The following LIN54 variants were observed in gnomAD, a reference collection of about 807,000 sequenced individuals.
LIN54 encodes protein lin-54 homolog.
In LIN54, 9 loss-of-function variants were observed where a neutral mutation model predicts 78.7. The observed-to-expected ratio is 0.11, with a 90% CI of 0.07 to 0.20. The LOEUF (loss-of-function observed/expected upper bound fraction) is 0.20. Ranked by LOEUF, LIN54 falls within the 10% of genes least tolerant of loss-of-function variation. The pLI, the probability that LIN54 is intolerant of heterozygous loss-of-function variation, is 1.00. For missense variants in LIN54, 573 were observed against 889.9 expected, an observed-to-expected ratio of 0.64 and a Z score of 4.53; for synonymous variants, 269 against 318.4, an observed-to-expected ratio of 0.84 and a Z score of 1.65.
rs752788496 is a variant in LIN54, at chr4:82,936,261, G to A, written c.1707+18C>T. On this transcript the variant is annotated intron_variant, in intron 10 of 12. Transcript: ENST00000340417. ...AACTGGATATTTCTGTCAGTTAAAT[G>A]AAATAAAAAATAATCACCTTTATTG... 3.3e-6 allele frequency: 5 copies of A among 1,523,784 alleles called. No homozygotes were observed. The highest frequency in any genetic ancestry group is 4.5e-6 in the Non-Finnish European group (5 of 1,114,712). 94.4% of individuals were successfully genotyped at this position (1,523,784 alleles called of 1,614,324 possible).
rs1721488283 is a variant in LIN54 at position 82,926,622 on chromosome 4, C to CCTGT, written c.*1476_*1479dup. ...TTTTTCTTGTCATAAAATCAAGAGT[C>CCTGT]CTGTCACAACAGGCTCTTAAATTCA... On this transcript the variant is annotated 3_prime_UTR_variant, in exon 13 of 13. Transcript: ENST00000340417. The CCTGT allele has an allele frequency of 6.6e-6, 1 of 152,090 alleles. No homozygotes were observed. The highest frequency in any genetic ancestry group is 6.6e-5 in the Admixed American group (1 of 15,258). The allele number at this position is 152,090 out of a possible 1,614,324, so 9.4% of individuals were successfully genotyped here. A position where few individuals can be genotyped will look rare whatever the true frequency, so the allele number is the denominator to read the frequency against.
intron 5 of LIN54, among the ~76,000 whole-genome samples, chr4:82,941,148 G>GGATATATATATA (rs1722828947): frequency 1.7e-4 from 5 of 30,214 alleles, no homozygotes; most frequent in African/African-American, 4.7e-4. Context: ...GGAGTTAAGA[G>GGATATATATATA]GATATATATA....
intron 1 of LIN54, among the ~76,000 whole-genome samples, chr4:82,989,790 ACCC>A (rs1461592737): frequency 1.9e-3 from 288 of 152,154 alleles, no homozygotes; most frequent in African/African-American, 6.6e-3. Flanking sequence ...TCAAGCATTA[ACCC>A]CTGCAGCTCA....
At chr4:82,967,573 T>G (rs7687399) in intron 4 of LIN54, among the ~76,000 whole-genome samples, 48,199 of 151,834 alleles carry the variant, frequency 0.32, 8,674 homozygotes, top group East Asian at 0.52. Flanking sequence ...CCTTCTGGAG[T>G]AAAGGTACTC....
At chr4:82,948,184 C>CTA (rs1188936826) in intron 4 of LIN54, among the ~76,000 whole-genome samples, 1 of 152,106 alleles carries the variant, frequency 6.6e-6, no homozygotes, top group African/African-American at 2.4e-5. Context: ...ATAGTCCTTA[C>CTA]TATATCCGCT....
chr4:83,006,319 T>G (rs1729355607), intron 1 of LIN54, among the ~76,000 whole-genome samples: 1 of 151,926 alleles, frequency 6.6e-6, no homozygotes, highest in Non-Finnish European at 1.5e-5. Flanking sequence ...CATGCTGGCA[T>G]GCGCCTGTAG....
Position 82,928,190 on chromosome 4 carries a change from A to G in LIN54, c.2162T>C (p.Met721Thr). The change falls in exon 13 of 13, where the codon ATG becomes ACG. Residue 721 changes from methionine to threonine, a missense_variant. Around this residue, in one of 6 missense-constraint regions of LIN54, gnomAD observed 82 missense variants for 140.8 expected, o/e 0.58. Transcript: ENST00000340417. The stretch of plus-strand genomic sequence containing the variant: ...ACATCGTCCGAATTCCTCAAGTATC[A>G]TCCGTTCCGCTGCTGCCTTTGATTT... ...KGKSKAAAERMILEEFGRCLM... is the reference protein window; with the variant it reads ...KGKSKAAAERTILEEFGRCLM... The G allele has an allele frequency of 6.2e-7, 1 of 1,614,242 alleles. No individual in the cohort carries two copies. The highest frequency in any genetic ancestry group is 8.5e-7 in the Non-Finnish European group (1 of 1,180,028).
Position 82,928,016 on chromosome 4 carries a change from A to G in LIN54, c.*86T>C. ...TAAAACAAGGACTGAATTAAAATAC[A>G]GTAATTGTTTTTCTTCCAGAAAATC... On this transcript the variant is annotated 3_prime_UTR_variant, in exon 13 of 13. Coordinates refer to ENST00000340417, the MANE Select transcript of LIN54 (RefSeq NM_194282.4). 1 of 1,087,954 alleles carries G rather than the reference A, an allele frequency of 9.2e-7. No individual in the cohort carries two copies. The highest frequency in any genetic ancestry group is 1.4e-6 in the Non-Finnish European group (1 of 714,678). 67.4% of individuals were successfully genotyped at this position (1,087,954 alleles called of 1,614,324 possible).
chr4:82,936,508 T>A, intron 9 of LIN54, 127 bp from the exon 10 acceptor site: 1 of 540,250 alleles, frequency 1.9e-6, no homozygotes, highest in Admixed American at 3.3e-5. Context: ...AGAAATCTAC[T>A]CAGCTACCCA....
intron 1 of LIN54, among the ~76,000 whole-genome samples, chr4:82,993,725 C>T (rs1279630310): frequency 3.3e-5 from 5 of 152,030 alleles, no homozygotes; most frequent in African/African-American, 9.7e-5. Flanking sequence ...TCAAGCAACT[C>T]TCCTGCCTCA....
Position 82,970,463 on chromosome 4 carries a change from A to C in LIN54, c.815T>G (p.Val272Gly). Residue 272 changes from valine to glycine, a missense_variant, in exon 4 of 13, where the codon GTT becomes GGT. Val to Gly is a moderately radical substitution (Grantham distance 109, BLOSUM62 -3). This residue lies in a region of LIN54 where 199 missense variants were observed against 260.9 expected (regional missense o/e 0.76). Coordinates refer to ENST00000340417, the MANE Select transcript of LIN54 (RefSeq NM_194282.4). The stretch of plus-strand genomic sequence containing the variant: ...AGTTCCGGGAGTAGACTGTGAAAGA[A>C]CCCTACCTGCAAATGAGAGGCAGCA... ...QVSPPVIAGR[V>G]LSQSTPGTPS... 6.2e-7 allele frequency: 1 copy of C among 1,604,740 alleles called. No individual in the cohort carries two copies. The highest frequency in any genetic ancestry group is 1.1e-5 in the South Asian group (1 of 88,432).
At chr4:83,006,101 G>C (rs1001806694) in intron 1 of LIN54, among the ~76,000 whole-genome samples, 2 of 141,082 alleles carry the variant, frequency 1.4e-5, no homozygotes, top group Admixed American at 7.7e-5. Flanking sequence ...TGAACATAAA[G>C]ATGGCAACAA....
chr4:82,953,448 T>C (rs1262454824), intron 4 of LIN54, among the ~76,000 whole-genome samples: 1 of 152,164 alleles, frequency 6.6e-6, no homozygotes, highest in African/African-American at 2.4e-5. Flanking sequence ...ATATTACGTA[T>C]ATTTTGCCAC....
chr4:82,962,753 A>G (rs1241679798), intron 4 of LIN54, among the ~76,000 whole-genome samples: 1 of 151,900 alleles, frequency 6.6e-6, no homozygotes, highest in Non-Finnish European at 1.5e-5. Flanking sequence ...ATAATCAATA[A>G]ATTTAAAGAT....
At chr4:82,985,478 T>C (rs1472066984) in intron 1 of LIN54, among the ~76,000 whole-genome samples, 2 of 152,202 alleles carry the variant, frequency 1.3e-5, no homozygotes, top group Admixed American at 6.5e-5. Context: ...ACTAGCTTCA[T>C]ACCAGGGAAA....
At chr4:82,973,538 C>A (rs1016126683) in intron 3 of LIN54, among the ~76,000 whole-genome samples, 1 of 152,158 alleles carries the variant, frequency 6.6e-6, no homozygotes, top group Non-Finnish European at 1.5e-5. Flanking sequence ...TCAAAAGAGA[C>A]ACACTCCATA....
intron 5 of LIN54, among the ~76,000 whole-genome samples, chr4:82,945,034 G>GT (rs1723247831): frequency 6.6e-6 from 1 of 152,104 alleles, no homozygotes; most frequent in Non-Finnish European, 1.5e-5. Context: ...GCTAATTTTT[G>GT]TATTTTTAGT....
At chr4:82,956,040 C>T (rs943215604) in intron 4 of LIN54, among the ~76,000 whole-genome samples, 6 of 152,170 alleles carry the variant, frequency 3.9e-5, no homozygotes, top group South Asian at 2.1e-4. Flanking sequence ...CAGCTCACTG[C>T]AACCTCCACC....
intron 5 of LIN54, among the ~76,000 whole-genome samples, chr4:82,941,551 AAATT>A (rs1411740356): frequency 5.3e-5 from 8 of 152,176 alleles, no homozygotes; most frequent in African/African-American, 1.9e-4. Flanking sequence ...AATAAAAGAA[AAATT>A]AATTGTATTT....
Sources: gnomAD v4.1 joint callset for allele counts (sites outside exome capture counted in the v4.1 genomes callset) on GRCh38, gnomAD v4.1.1 for gene constraint, gnomAD v4.1.1 regional missense constraint, MANE v1.5 for transcripts, NCBI Gene and HGNC (gene_info 2026-07-23, HGNC 2026-07-21) for gene names.